SCN1A: variants seen among roughly 807,000 people sequenced by gnomAD.
SCN1A encodes sodium voltage-gated channel alpha subunit 1.
Under a neutral mutation model 193.7 loss-of-function variants are expected in SCN1A, and 13 were observed. That is an observed-to-expected ratio of 0.07 (90% CI 0.04 to 0.11). SCN1A has a LOEUF of 0.11. Among genes scored for constraint, SCN1A ranks in the 10% least tolerant of loss-of-function variants. The pLI is 1.00. For synonymous variants in SCN1A, 781 were observed against 843.6 expected (o/e 0.93, Z 1.29); for missense variants, 1,432 against 2,451.1 (o/e 0.58, Z 8.78).
chr2:165,993,420 A>G (rs953598462), intron 28 of SCN1A: 3 of 152,062 alleles, frequency 2.0e-5, no homozygotes, highest in African/African-American at 7.2e-5. Flanking sequence ...ACCCAATCAT[A>G]TCATCCTGTT....
intron 19 of SCN1A, among the ~76,000 whole-genome samples, chr2:166,025,944 A>T (rs1419504793): frequency 6.6e-6 from 1 of 152,032 alleles, no homozygotes; most frequent in Non-Finnish European, 1.5e-5. Context: ...TTATGCTTTT[A>T]TTCAATATTT....
chr2:166,132,216 A>G (rs745377769), upstream of SCN1A, among the ~76,000 whole-genome samples: 3 of 152,178 alleles, frequency 2.0e-5, no homozygotes, highest in Non-Finnish European at 2.9e-5. Context: ...TTAAACTCAG[A>G]CCTTAAGATT....
At chr2:166,033,118 C>T (rs185385700) in intron 19 of SCN1A, among the ~76,000 whole-genome samples, 12 of 152,140 alleles carry the variant, frequency 7.9e-5, no homozygotes, top group African/African-American at 1.9e-4. Context: ...CTTTGTAAGA[C>T]GCATGAGTCA....
chr2:166,027,037 T>G (rs1397342067), intron 19 of SCN1A: 3 of 152,244 alleles, frequency 2.0e-5, no homozygotes, highest in African/African-American at 7.2e-5. Flanking sequence ...TTTAAGAATA[T>G]GTATATTTTC....
intron 1 of SCN1A, among the ~76,000 whole-genome samples, chr2:166,144,276 G>A (rs918753905): frequency 4.6e-5 from 7 of 152,218 alleles, no homozygotes; most frequent in Admixed American, 4.6e-4. Flanking sequence ...AAAAGAGATG[G>A]TCTGTTGCTA....
chr2:166,062,663 G>A (rs1443181626), intron 4 of SCN1A, among the ~76,000 whole-genome samples: 1 of 152,020 alleles, frequency 6.6e-6, no homozygotes, highest in Non-Finnish European at 1.5e-5. Context: ...TATAAGAAAG[G>A]GCTCCAAGAG....
chr2:166,028,115 C>T (rs1427095284), intron 19 of SCN1A, among the ~76,000 whole-genome samples: 1 of 152,034 alleles, frequency 6.6e-6, no homozygotes, highest in African/African-American at 2.4e-5. Flanking sequence ...TGGAGGAATA[C>T]GGCTCTAATA....
rs796053045 is a variant in SCN1A, at chr2:165,991,532, C to T, written c.5743G>A (p.Glu1915Lys). The T allele has an allele frequency of 1.2e-6, 2 of 1,613,952 alleles. No homozygotes were observed. The highest frequency in any genetic ancestry group is 1.7e-6 in the Non-Finnish European group (2 of 1,179,928). Residue 1915 changes from glutamate (E) to lysine (K), a missense_variant, in exon 29 of 29, where the codon GAG becomes AAG. By Grantham distance (56) the Glu-to-Lys change is moderately conservative. This residue lies in a region of SCN1A where 148 missense variants were observed against 160.3 expected (regional missense o/e 0.92). Coordinates refer to ENST00000674923, the MANE Select transcript of SCN1A (RefSeq NM_001165963.4). ...PITTTLKRKQEEVSAVIIQRA... is the reference protein window; with the variant it reads ...PITTTLKRKQKEVSAVIIQRA... ...TGAATAATGACAGCAGATACTTCCTCTTGTTTTCGTTTTAAAGTAGTAGTG... is the reference window on the plus strand; with the variant it reads ...TGAATAATGACAGCAGATACTTCCTTTTGTTTTCGTTTTAAAGTAGTAGTG...
At position 165,985,855 on chromosome 2, in the gene SCN1A, G is replaced by T. The variant is rs1348579056; in HGVS notation, c.*5390C>A. 6.6e-6 allele frequency: 1 copy of T among 152,084 alleles called. No homozygotes were observed. The highest frequency in any genetic ancestry group is 2.4e-5 in the African/African-American group (1 of 41,416). 9.4% of individuals were successfully genotyped at this position (152,084 alleles called of 1,614,324 possible). ...ACACATTTATTTTCTTATATAATAA[G>T]AAATTCCAGTGCACACATGAAGAAT... is the stretch of plus-strand genomic sequence containing the variant. On this transcript the variant is annotated 3_prime_UTR_variant, in exon 29 of 29. Coordinates refer to ENST00000674923, the MANE Select transcript of SCN1A (RefSeq NM_001165963.4).
At chr2:166,103,068 G>GATATATATATAT (rs58394206) in intron 2 of SCN1A, among the ~76,000 whole-genome samples, 25 of 149,110 alleles carry the variant, frequency 1.7e-4, no homozygotes, top group Non-Finnish European at 2.8e-4. Flanking sequence ...AGATTTGGGA[G>GATATATATATAT]ATATATATAT....
chr2:165,992,377 G>C lies in SCN1A; in HGVS notation c.4898C>G (p.Thr1633Ser). 1 of 1,613,674 alleles carries C rather than the reference G, an allele frequency of 6.2e-7. No individual in the cohort carries two copies. The highest frequency in any genetic ancestry group is 8.5e-7 in the Non-Finnish European group (1 of 1,179,784). ...ELIEKYFVSP[T>S]LFRVIRLARI... ...AGCAAGACGGATCACTCGGAACAGGGTAGGGGACACGAAATACTTTTCTAT... is the reference window on the plus strand; with the variant it reads ...AGCAAGACGGATCACTCGGAACAGGCTAGGGGACACGAAATACTTTTCTAT... The change falls in exon 29 of 29, where the codon ACC becomes AGC. Residue 1633 changes from threonine (T) to serine (S), a missense_variant. By Grantham distance (58) the Thr-to-Ser change is moderately conservative. Around this residue, in one of 18 missense-constraint regions of SCN1A, gnomAD observed 85 missense variants for 213.2 expected, o/e 0.40. Transcript: ENST00000674923. The surrounding 1 kb of genome is among the most constrained non-coding windows in gnomAD (Gnocchi z 6.5).
chr2:166,107,638 TAAG>T (rs1688839070), intron 2 of SCN1A, among the ~76,000 whole-genome samples: 1 of 152,098 alleles, frequency 6.6e-6, no homozygotes. Flanking sequence ...CTTGAATAAA[TAAG>T]AAGAGAACAC....
In SCN1A at chr2:166,134,185, G is replaced by C. The variant is rs145362747; in HGVS notation, c.-50+14862C>G. Among the ~76,000 whole-genome samples, 15 of 152,268 alleles carry C rather than the reference G, an allele frequency of 9.9e-5. No individual in the cohort carries two copies. The East Asian group carries it at 2.9e-3, about 29-fold the overall frequency. On this transcript the variant is annotated intron_variant, in intron 1 of 26. Coordinates refer to the SCN1A transcript ENST00000635750. The stretch of plus-strand genomic sequence containing the variant: ...ATTGTGGAGCTGGAAAAGTCTCAGA[G>C]ATAAACCAGGCAAGTGTTCTTATTT...
At chr2:165,998,246 C>T in intron 25 of SCN1A, 71 bp from the exon 26 acceptor site, 3 of 1,281,284 alleles carry the variant, frequency 2.3e-6, no homozygotes, top group Non-Finnish European at 3.3e-6. Context: ...GGTGCTTTTT[C>T]ATAACAATAG....
chr2:166,073,051 G>A (rs556222183), intron 4 of SCN1A, among the ~76,000 whole-genome samples: 3 of 152,128 alleles, frequency 2.0e-5, no homozygotes, highest in African/African-American at 4.8e-5. Context: ...TGTTGGCCAG[G>A]ATGGTCTCAA....
chr2:166,125,329 C>T (rs571163679), intron 2 of SCN1A, among the ~76,000 whole-genome samples: 4 of 152,268 alleles, frequency 2.6e-5, no homozygotes, highest in East Asian at 1.9e-4. Flanking sequence ...TGCCCTTTGG[C>T]GAGTACAGGG....
upstream of SCN1A, among the ~76,000 whole-genome samples, chr2:166,128,776 AAG>A (rs1193814084): frequency 1.3e-5 from 2 of 152,198 alleles, no homozygotes; most frequent in African/African-American, 4.8e-5. Context: ...TATATATAGA[AAG>A]AGAGTCCAAT....
chr2:166,032,937 T>A (rs978721894), intron 19 of SCN1A, among the ~76,000 whole-genome samples: 1 of 152,174 alleles, frequency 6.6e-6, no homozygotes, highest in Admixed American at 6.5e-5. Context: ...TATGCTCTAA[T>A]CAGAGAAAGT....
At chr2:165,984,812 C>T (rs1370997546), downstream of SCN1A, 9 of 152,102 alleles carry the variant, frequency 5.9e-5, no homozygotes, top group Admixed American at 2.0e-4. Flanking sequence ...GTGGTGTTCT[C>T]GGTTCCTATG....
Sources: allele counts gnomAD v4.1 joint callset (sites outside exome capture counted in the v4.1 genomes callset), GRCh38; gene constraint gnomAD v4.1.1; regional missense constraint gnomAD v4.1.1; non-coding constraint Gnocchi (gnomAD v3.1); transcripts MANE v1.5; gene names NCBI Gene and HGNC (gene_info 2026-07-23, HGNC 2026-07-21).